CFAP61: variants seen among roughly 807,000 people sequenced by gnomAD.
CFAP61 encodes the protein cilia and flagella associated protein 61.
A neutral mutation model predicts 135.6 loss-of-function variants in CFAP61; 107 were observed. The observed-to-expected ratio is 0.79, with a 90% confidence interval of 0.67 to 0.93. The LOEUF is 0.93. Among genes scored for constraint, CFAP61 ranks in the 40% least tolerant of loss-of-function variants. CFAP61 has a pLI of 0.00. For synonymous variants in CFAP61, 575 were observed against 578.5 expected (o/e 0.99, Z 0.09); for missense variants, 1,507 against 1,556.2 (o/e 0.97, Z 0.53).
intron 8 of CFAP61, among the ~76,000 whole-genome samples, chr20:20,130,937 T>C (rs2050475520): frequency 6.6e-6 from 1 of 151,848 alleles, no homozygotes; most frequent in African/African-American, 2.4e-5. Flanking sequence ...ATGCCTTCCA[T>C]GAGTTGAGGC....
chr20:20,154,182 A>G (rs1305009786), intron 9 of CFAP61, among the ~76,000 whole-genome samples: 5 of 152,142 alleles, frequency 3.3e-5, no homozygotes, highest in Non-Finnish European at 7.4e-5. Flanking sequence ...ACCCTCAGCA[A>G]AATTGGCATA....
chr20:20,129,307 C>A lies in CFAP61; in HGVS notation c.860-13550C>A, dbSNP rs1398256681. Among the ~76,000 whole-genome samples, 2 of 151,688 alleles carry A rather than the reference C, an allele frequency of 1.3e-5. 1 individual carries two copies. Among genetic ancestry groups the A allele is most frequent in the African/African-American group, 4.9e-5 (2 of 41,024 alleles). The stretch of plus-strand genomic sequence containing the variant: ...TTATTTGGGAAAGCCTTTTATCTTT[C>A]CTTCATATTTAAAGGACAAGTTTGC... On this transcript the variant is annotated intron_variant, in intron 8 of 26. Coordinates refer to ENST00000245957, the MANE Select transcript of CFAP61 (RefSeq NM_015585.4).
chr20:20,164,249 T>C (rs1440306316), intron 11 of CFAP61, 21 bp downstream of exon 11: 1 of 1,589,200 alleles, frequency 6.3e-7, no homozygotes, highest in South Asian at 1.1e-5. Flanking sequence ...ACCTTCTGGC[T>C]GGCTGTCACA....
At chr20:20,189,856 G>A (rs1369001714) in intron 14 of CFAP61, among the ~76,000 whole-genome samples, 4 of 152,114 alleles carry the variant, frequency 2.6e-5, no homozygotes, top group East Asian at 1.9e-4. Flanking sequence ...GTGCGATGGC[G>A]CGACCTTGGC....
At chr20:20,119,579 A>G (rs2049449576) in intron 8 of CFAP61, among the ~76,000 whole-genome samples, 1 of 151,644 alleles carries the variant, frequency 6.6e-6, no homozygotes, top group African/African-American at 2.4e-5. Context: ...TATCTTCTAT[A>G]TTTTTTGGTC....
intron 17 of CFAP61, among the ~76,000 whole-genome samples, chr20:20,224,833 C>T (rs1226850043): frequency 6.6e-6 from 1 of 152,166 alleles, no homozygotes; most frequent in Non-Finnish European, 1.5e-5. Context: ...AGGTAAATAG[C>T]TTACAATTCG....
chr20:20,246,423 A>C (rs112712038), intron 19 of CFAP61, among the ~76,000 whole-genome samples: 3 of 152,234 alleles, frequency 2.0e-5, no homozygotes, highest in African/African-American at 7.2e-5. Flanking sequence ...ACCAGTTTCT[A>C]TCCGTGGGAA....
intron 8 of CFAP61, among the ~76,000 whole-genome samples, chr20:20,123,971 G>GTTTTTTTTTTT: frequency 1.5e-5 from 1 of 65,264 alleles, no homozygotes. Flanking sequence ...ATATTCCTAA[G>GTTTTTTTTTTT]TTTTTTTTTT....
At chr20:20,147,985 C>G (rs2052044866) in intron 9 of CFAP61, among the ~76,000 whole-genome samples, 1 of 152,130 alleles carries the variant, frequency 6.6e-6, no homozygotes, top group African/African-American at 2.4e-5. Flanking sequence ...CCAGTTTTCT[C>G]AGCACTATTT....
At chr20:20,346,237 C>A (rs1176700863) in intron 26 of CFAP61, among the ~76,000 whole-genome samples, 3 of 147,682 alleles carry the variant, frequency 2.0e-5, no homozygotes, top group Non-Finnish European at 3.0e-5. Context: ...GAGACAAGAG[C>A]AAAACTCTGT....
chr20:20,336,825 A>C (rs1057175175), intron 25 of CFAP61, among the ~76,000 whole-genome samples: 1 of 151,554 alleles, frequency 6.6e-6, no homozygotes, highest in South Asian at 2.1e-4. Context: ...TCCAGCCCCC[A>C]CCTCCCCAGC....
chr20:20,086,911 G>T (rs2046849760), intron 6 of CFAP61, among the ~76,000 whole-genome samples: 1 of 152,238 alleles, frequency 6.6e-6, no homozygotes, highest in East Asian at 1.9e-4. Context: ...GTGTAGGGTG[G>T]AGATGAGCTT....
At chr20:20,330,580 G>A (rs561434981) in intron 25 of CFAP61, among the ~76,000 whole-genome samples, 3 of 151,980 alleles carry the variant, frequency 2.0e-5, no homozygotes, top group Non-Finnish European at 4.4e-5. Context: ...CAAGTGATCC[G>A]CCTGCCTCAG....
At chr20:20,109,909 CTT>C (rs1231325875) in intron 8 of CFAP61, among the ~76,000 whole-genome samples, 10 of 143,298 alleles carry the variant, frequency 7.0e-5, no homozygotes, top group Admixed American at 1.4e-4. Flanking sequence ...CTGATTCATT[CTT>C]TTTTTTTTTT....
chr20:20,304,530 C>A (rs564095961), intron 25 of CFAP61, among the ~76,000 whole-genome samples: 1 of 151,670 alleles, frequency 6.6e-6, no homozygotes, highest in South Asian at 2.1e-4. Context: ...TGTGCACACA[C>A]TCATGCACAC....
chr20:20,346,201 G>A (rs139899307), intron 26 of CFAP61, among the ~76,000 whole-genome samples: 268 of 144,094 alleles, frequency 1.9e-3, no homozygotes, highest in African/African-American at 5.7e-3. Context: ...GCGCCCGGCC[G>A]ATTGTGCCAC....
intron 26 of CFAP61, among the ~76,000 whole-genome samples, chr20:20,342,211 A>G (rs990302859): frequency 5.3e-5 from 8 of 152,202 alleles, no homozygotes; most frequent in Admixed American, 2.6e-4. Context: ...TCTGAGTTGC[A>G]TCTACTTGCC....
chr20:20,053,415 C>T (rs2043932900), intron 1 of CFAP61, among the ~76,000 whole-genome samples: 1 of 152,154 alleles, frequency 6.6e-6, no homozygotes, highest in South Asian at 2.1e-4. Context: ...CAATCTTGAA[C>T]CTACATTGAC....
chr20:20,328,002 T>C (rs1387857498), intron 25 of CFAP61, among the ~76,000 whole-genome samples: 1 of 152,166 alleles, frequency 6.6e-6, no homozygotes, highest in Non-Finnish European at 1.5e-5. Flanking sequence ...GGCACTGCTC[T>C]TCTCTCCAGT....
Sources: allele counts gnomAD v4.1 joint callset (sites outside exome capture counted in the v4.1 genomes callset), GRCh38; gene constraint gnomAD v4.1.1; transcripts MANE v1.5; gene names NCBI Gene and HGNC (gene_info 2026-07-23, HGNC 2026-07-21).